Variants in SUPT20H observed in about 807,000 individuals in gnomAD.
SUPT20H encodes SPT20 homolog, SAGA complex component.
A neutral mutation model predicts 122.8 loss-of-function variants in SUPT20H; 82 were observed. The observed-to-expected ratio is 0.67, with a 90% CI of 0.56 to 0.80. SUPT20H has a LOEUF of 0.80. SUPT20H is among the 30% of genes least tolerant of loss of function. SUPT20H has a pLI of 0.00. For missense variants in SUPT20H, 831 were observed against 921.6 expected (o/e 0.90, Z 1.27); for synonymous variants, 291 against 313.0 (o/e 0.93, Z 0.74).
chr13:37,057,891 T>C (rs2069527336), intron 1 of SUPT20H, among the ~76,000 whole-genome samples: 2 of 150,530 alleles, frequency 1.3e-5, no homozygotes, highest in African/African-American at 2.5e-5. Flanking sequence ...AGAGAATCAC[T>C]TGAACCTGGG....
chr13:37,038,963 T>G (rs1275109000), intron 9 of SUPT20H: 1 of 152,186 alleles, frequency 6.6e-6, no homozygotes, highest in Non-Finnish European at 1.5e-5. Context: ...TTTTGAAAAG[T>G]TTATGAGAAG....
intron 9 of SUPT20H, among the ~76,000 whole-genome samples, chr13:37,034,559 A>G (rs1215938939): frequency 6.6e-6 from 1 of 152,242 alleles, no homozygotes; most frequent in Admixed American, 6.5e-5. Flanking sequence ...GAGGGTTAAG[A>G]GTAGAAGCTG....
At chr13:37,021,383 A>G (rs1344060989) in intron 21 of SUPT20H, 65 bp downstream of exon 21, 2 of 1,445,744 alleles carry the variant, frequency 1.4e-6, no homozygotes, top group Admixed American at 2.3e-5. Flanking sequence ...TACTCTTAAA[A>G]TTACATTTTT....
At chr13:37,010,764 TA>T in intron 24 of SUPT20H, 109 bp from the exon 25 acceptor site, 1 of 705,406 alleles carries the variant, frequency 1.4e-6, no homozygotes, top group East Asian at 2.7e-5. Context: ...GCAGTATGAT[TA>T]ATCTTAAGTA....
At chr13:37,011,677 G>A (rs2059657583) in intron 24 of SUPT20H, among the ~76,000 whole-genome samples, 1 of 152,148 alleles carries the variant, frequency 6.6e-6, no homozygotes, top group African/African-American at 2.4e-5. Context: ...TAATCATTAA[G>A]AGTAATCTTT....
At chr13:37,020,841 A>G (rs2061369080) in intron 21 of SUPT20H, among the ~76,000 whole-genome samples, 2 of 152,190 alleles carry the variant, frequency 1.3e-5, no homozygotes, top group African/African-American at 4.8e-5. Context: ...AGTTATTATA[A>G]CTGTTTTCCT....
intron 7 of SUPT20H, among the ~76,000 whole-genome samples, chr13:37,041,640 T>G (rs766590750): frequency 6.6e-6 from 1 of 152,184 alleles, no homozygotes; most frequent in Non-Finnish European, 1.5e-5. Context: ...TTTTCACCCA[T>G]TCAGAACTTT....
At chr13:37,010,893 C>G in intron 24 of SUPT20H, 1 of 364,610 alleles carries the variant, frequency 2.7e-6, no homozygotes, top group Non-Finnish European at 5.1e-6. Context: ...TGTATCAAAG[C>G]ACTGAACCTC....
intron 5 of SUPT20H, among the ~76,000 whole-genome samples, chr13:37,046,026 A>T (rs1221438819): frequency 2.6e-5 from 4 of 152,154 alleles, no homozygotes; most frequent in African/African-American, 9.6e-5. Flanking sequence ...CAGATTTAAC[A>T]AATCATGTCA....
chr13:37,022,754 T>C lies in SUPT20H; in HGVS notation c.1592-674A>G, dbSNP rs2061603933. 8 of 1,001,140 alleles carry C rather than the reference T, an allele frequency of 8.0e-6. No individual in the cohort carries two copies. The highest frequency in any genetic ancestry group is 9.6e-6 in the Non-Finnish European group (8 of 836,702). The allele number at this position is 1,001,140 out of a possible 1,614,324, so 62.0% of individuals were successfully genotyped here. On this transcript the variant is annotated intron_variant, in intron 19 of 25. Transcript: ENST00000350612. The surrounding 1 kb of genome is among the most constrained non-coding windows in gnomAD (Gnocchi z 4.5). ...GTAAACATATTTAATAAGTTACATATGGTTAACAATCATATTTGGCACCTA... is the reference window on the plus strand; with the variant it reads ...GTAAACATATTTAATAAGTTACATACGGTTAACAATCATATTTGGCACCTA...
chr13:37,048,030 A>T, intron 3 of SUPT20H, 94 bp from the exon 4 acceptor site: 1 of 836,584 alleles, frequency 1.2e-6, no homozygotes, highest in South Asian at 2.6e-5. Flanking sequence ...AAGGCTAAAA[A>T]GGCTATTCAC....
At chr13:37,049,565 C>T (rs1300413890) in intron 2 of SUPT20H, among the ~76,000 whole-genome samples, 1 of 152,044 alleles carries the variant, frequency 6.6e-6, no homozygotes, top group Non-Finnish European at 1.5e-5. Flanking sequence ...CATGGTGAAA[C>T]CCTATCTCTA....
intron 1 of SUPT20H, among the ~76,000 whole-genome samples, chr13:37,054,745 T>C (rs891619618): frequency 2.0e-5 from 3 of 152,166 alleles, no homozygotes; most frequent in Non-Finnish European, 4.4e-5. Context: ...CTATTCAACA[T>C]AGTGTTGGAA....
In SUPT20H at chr13:37,024,374, G is replaced by C. The variant is rs2061853123; in HGVS notation, c.1398C>G (p.Ile466Met). 4 of 1,592,734 alleles carry C rather than the reference G, an allele frequency of 2.5e-6. No individual in the cohort carries two copies. The Admixed American group carries it at 7.3e-5, about 29-fold the overall frequency. ...GKGVKHRPPP[I>M]KLPSSSGNSS... ...TATTTCCTGAGCTTGAGGGAAGTTT[G>C]ATTGGTGGGGGTCGATGTTTTACAC... The change falls in exon 18 of 26, where the codon ATC (isoleucine) becomes ATG (methionine). Residue 466 changes from isoleucine to methionine, a missense_variant. Ile to Met is a conservative substitution (Grantham distance 10). Transcript: ENST00000350612.
chr13:37,026,912 G>T, intron 14 of SUPT20H, 96 bp from the exon 15 acceptor site: 1 of 755,452 alleles, frequency 1.3e-6, no homozygotes, highest in South Asian at 2.8e-5. Context: ...ATGGAAGAAT[G>T]ACTGGAAGAT....
intron 10 of SUPT20H, among the ~76,000 whole-genome samples, chr13:37,033,179 C>T (rs1437604653): frequency 6.6e-6 from 1 of 150,736 alleles, no homozygotes; most frequent in Non-Finnish European, 1.5e-5. Context: ...AATATGAGAC[C>T]ATTAAGAATC....
chr13:37,025,130 T>TG, intron 17 of SUPT20H, 190 bp downstream of exon 17: 1 of 486,392 alleles, frequency 2.1e-6, no homozygotes, highest in Non-Finnish European at 3.8e-6. Context: ...TTAGTAGAGA[T>TG]GGGGTTTCAC....
rs2059242901 is a variant in SUPT20H, at chr13:37,009,706, A to G, written c.2306T>C (p.Met769Thr). 2 of 1,613,860 alleles carry G rather than the reference A, an allele frequency of 1.2e-6. No homozygotes were observed. Among genetic ancestry groups the G allele is most frequent in the South Asian group, 2.2e-5 (2 of 91,058 alleles). Residue 769 changes from methionine (M) to threonine (T), a missense_variant, in exon 26 of 26, where the codon ATG (methionine) becomes ACG (threonine). Transcript: ENST00000350612. Reference sequence around the variant, plus strand: ...TGGAGTGGTTGGCGTGCCTCTCTTCATTTTACTTTTTGACTGGCTGCCTGT... The same window carrying G: ...TGGAGTGGTTGGCGTGCCTCTCTTCGTTTTACTTTTTGACTGGCTGCCTGT... ...RHTGSQSKSK[M>T]KRGTPTTPKF
chr13:37,028,983 GATCT>G (rs1353541652), intron 13 of SUPT20H, among the ~76,000 whole-genome samples: 2 of 151,338 alleles, frequency 1.3e-5, no homozygotes, highest in East Asian at 1.9e-4. Context: ...TTCAAAAGCA[GATCT>G]ATTTATCATT....
Sources: allele counts gnomAD v4.1 joint callset (sites outside exome capture counted in the v4.1 genomes callset), GRCh38; gene constraint gnomAD v4.1.1; non-coding constraint Gnocchi (gnomAD v3.1); transcripts MANE v1.5; gene names NCBI Gene and HGNC (gene_info 2026-07-23, HGNC 2026-07-21).